The following KRT86 variants were observed in gnomAD, a reference collection of about 807,000 sequenced individuals.
KRT86 encodes the protein keratin 86, also known as keratin, type II cuticular Hb6.
Under a neutral mutation model 41.2 loss-of-function variants are expected in KRT86, and 30 were observed. The observed-to-expected ratio is 0.73, with a 90% CI of 0.54 to 0.99. The LOEUF is 0.99. KRT86 is among the 50% of genes least tolerant of loss of function. The pLI is 0.00. For synonymous variants in KRT86, 238 were observed against 238.1 expected (o/e 1.00, Z 0.00); for missense variants, 561 against 571.4 (o/e 0.98, Z 0.19).
chr12:52,299,829 T>C (rs1321802891), intron 2 of KRT86, among the ~76,000 whole-genome samples: 3 of 152,254 alleles, frequency 2.0e-5, no homozygotes, highest in East Asian at 1.9e-4. Flanking sequence ...GTTCCTTATA[T>C]ATTGCAGCTA....
intron 6 of KRT86, 56 bp downstream of exon 6, chr12:52,305,083 G>T: frequency 1.2e-6 from 2 of 1,610,666 alleles, no homozygotes; most frequent in South Asian, 1.1e-5. Context: ...GAGAGATGGG[G>T]GTGGGAGTGT....
intron 2 of KRT86, among the ~76,000 whole-genome samples, chr12:52,299,516 C>T (rs1243871938): frequency 6.6e-6 from 1 of 152,186 alleles, no homozygotes; most frequent in Admixed American, 6.5e-5. Flanking sequence ...TTGGAGGACA[C>T]TCCATACTGT....
chr12:52,298,785 T>A (rs1309813911), intron 2 of KRT86, among the ~76,000 whole-genome samples: 1 of 151,834 alleles, frequency 6.6e-6, no homozygotes, highest in Admixed American at 6.6e-5. Flanking sequence ...TATTCAAACT[T>A]TTTATTTATT....
In KRT86 at chr12:52,308,562, G is replaced by C; in HGVS notation, c.1438G>C (p.Gly480Arg). The C allele has an allele frequency of 6.3e-7, 1 of 1,599,176 alleles. No individual in the cohort carries two copies. The highest frequency in any genetic ancestry group is 8.5e-7 in the Non-Finnish European group (1 of 1,179,760). ...CAPSARVGVC[G>R]GSCKRC The stretch of plus-strand genomic sequence containing the variant: ...CCCCTCCGCCCGGGTTGGCGTCTGC[G>C]GCGGCAGCTGTAAGAGGTGCTAGGA... Residue 480 changes from glycine (G) to arginine (R), a missense_variant, in exon 11 of 11, where the codon GGC becomes CGC. Around this residue, in one of 3 missense-constraint regions of KRT86, gnomAD observed 397 missense variants for 375.9 expected, o/e 1.06. Transcript: ENST00000423955.
chr12:52,308,776 G>T lies in KRT86; in HGVS notation c.*191G>T, dbSNP rs930125952. The T allele has an allele frequency of 4.3e-5, 26 of 601,620 alleles. No homozygotes were observed. The highest frequency in any genetic ancestry group is 1.1e-4 in the African/African-American group (6 of 53,300). The allele number at this position is 601,620 out of a possible 1,614,324, so 37.3% of individuals were successfully genotyped here. On this transcript the variant is annotated 3_prime_UTR_variant, in exon 11 of 11. Coordinates refer to ENST00000423955, the MANE Select transcript of KRT86 (RefSeq NM_001320198.2). ...AGGAGTCCGGGGAGGGCCGGGAGGC[G>T]CCATGGTCTCTCTCTGTAGCCTTTC...
chr12:52,306,650 C>T, intron 9 of KRT86: 2 of 396,272 alleles, frequency 5.0e-6, no homozygotes, highest in Non-Finnish European at 9.4e-6. Context: ...CTGGCCCTGG[C>T]CCCATCTAGA....
Position 52,308,802 on chromosome 12 carries a change from C to G in KRT86, c.*217C>G, listed in dbSNP as rs1938579331. 1.7e-6 allele frequency: 1 copy of G among 580,952 alleles called. No homozygotes were observed. Among genetic ancestry groups the G allele is most frequent in the African/African-American group, 1.9e-5 (1 of 52,150 alleles). 36.0% of individuals were successfully genotyped at this position (580,952 alleles called of 1,614,324 possible). A position where few individuals can be genotyped will look rare whatever the true frequency, so the allele number is the denominator to read the frequency against. On this transcript the variant is annotated 3_prime_UTR_variant, in exon 11 of 11. Transcript: ENST00000423955. ...CCATGGTCTCTCTCTGTAGCCTTTC[C>G]TGGTAGTCAATTTGTTGTCCCGAGG...
chr12:52,286,367 G>A (rs772866887), intron 2 of KRT86: 11 of 1,555,342 alleles, frequency 7.1e-6, no homozygotes, highest in South Asian at 2.4e-5. Context: ...GCCGCAGGGC[G>A]CACACAGGCC....
At chr12:52,286,240 C>T in intron 2 of KRT86, 3 of 1,551,452 alleles carry the variant, frequency 1.9e-6, no homozygotes, top group Middle Eastern at 1.9e-4. Context: ...GGGCCTGGGA[C>T]TTGAGTTGGG....
chr12:52,305,956 T>C (rs1015846045), intron 8 of KRT86, 104 bp from the exon 9 acceptor site: 3 of 1,569,020 alleles, frequency 1.9e-6, no homozygotes, highest in African/African-American at 2.7e-5. Flanking sequence ...CAAGAGGCTC[T>C]GTTCTGGGGT....
chr12:52,275,962 G>C lies in KRT86; in HGVS notation c.-5+16G>C. Reference sequence around the variant, plus strand: ...TGAGAGTCAGGTGAGAGGTGGGAGTGGGGGGCAACAGAGTGGCCATGGTGG... The same window carrying C: ...TGAGAGTCAGGTGAGAGGTGGGAGTCGGGGGCAACAGAGTGGCCATGGTGG... On this transcript the variant is annotated intron_variant, in intron 2 of 10. Coordinates refer to ENST00000423955, the MANE Select transcript of KRT86 (RefSeq NM_001320198.2). 8.1e-6 allele frequency: 8 copies of C among 985,912 alleles called. No individual in the cohort carries two copies. The highest frequency in any genetic ancestry group is 9.6e-6 in the Non-Finnish European group (8 of 829,942). 61.1% of individuals were successfully genotyped at this position (985,912 alleles called of 1,614,324 possible). A position where few individuals can be genotyped will look rare whatever the true frequency, so the allele number is the denominator to read the frequency against.
At chr12:52,283,504 G>A (rs1937832163) in intron 2 of KRT86, among the ~76,000 whole-genome samples, 1 of 111,398 alleles carries the variant, frequency 9.0e-6, no homozygotes, top group Admixed American at 1.2e-4. Flanking sequence ...TTGAGACAGA[G>A]TCTCGCTCTT....
At chr12:52,305,943 A>G in intron 8 of KRT86, 117 bp from the exon 9 acceptor site, 1 of 1,569,928 alleles carries the variant, frequency 6.4e-7, no homozygotes, top group Non-Finnish European at 8.7e-7. Context: ...CAGGTGATGA[A>G]GGCAAGAGGC....
At chr12:52,279,886 G>T (rs1439570645) in intron 2 of KRT86, among the ~76,000 whole-genome samples, 2 of 152,136 alleles carry the variant, frequency 1.3e-5, no homozygotes, top group Non-Finnish European at 2.9e-5. Flanking sequence ...ATAGTGCTTG[G>T]TTCAGGGGAC....
intron 2 of KRT86, chr12:52,288,361 C>T (rs375635026): frequency 1.7e-4 from 271 of 1,613,974 alleles, no homozygotes; most frequent in Non-Finnish European, 2.2e-4. Flanking sequence ...GAGCCCGCAC[C>T]TCCTCATACA....
chr12:52,287,374 T>C (rs1456619163), intron 2 of KRT86: 2 of 1,606,990 alleles, frequency 1.2e-6, no homozygotes, highest in Middle Eastern at 1.8e-4. Context: ...GTCTCTCTGA[T>C]GCTCATCCAA....
rs112956699 is a variant in KRT86, at chr12:52,305,275, C to T, written c.771C>T (p.Thr257=). ...TTCTCCAGTCCCACATCTCAGACAC[C>T]TCCGTGGTTGTCAAGCTGGACAACA... The part of the protein sequence containing the change: ...IRVLQSHISD[T]SVVVKLDNSR... Residue 257 remains threonine (T), a synonymous_variant, in exon 7 of 11, where the codon ACC becomes ACT. Transcript: ENST00000423955. 5 of 1,614,088 alleles carry T rather than the reference C, an allele frequency of 3.1e-6. No individual in the cohort carries two copies. The Admixed American group carries it at 8.3e-5, about 27-fold the overall frequency.
chr12:52,276,772 T>G (rs1411419740), intron 2 of KRT86, among the ~76,000 whole-genome samples: 1 of 152,110 alleles, frequency 6.6e-6, no homozygotes, highest in African/African-American at 2.4e-5. Context: ...TCTCCCATTC[T>G]CTCTTAGCCT....
chr12:52,296,200 T>C (rs1282394377), intron 2 of KRT86, among the ~76,000 whole-genome samples: 5 of 151,886 alleles, frequency 3.3e-5, no homozygotes, highest in Non-Finnish European at 5.9e-5. Context: ...GAGTGCTGCA[T>C]GGGTGGAGAA....
Sources: gnomAD v4.1 joint callset for allele counts (sites outside exome capture counted in the v4.1 genomes callset) on GRCh38, gnomAD v4.1.1 for gene constraint, gnomAD v4.1.1 regional missense constraint, MANE v1.5 for transcripts, NCBI Gene and HGNC (gene_info 2026-07-23, HGNC 2026-07-21) for gene names.